Variants in ETV7 observed in about 807,000 individuals in gnomAD.
The protein encoded by ETV7 is ETS variant transcription factor 7, also known as transcription factor ETV7.
ETV7 carries 43 observed loss-of-function variants against 39.1 expected under a neutral mutation model. That is an observed-to-expected ratio of 1.10 (90% CI 0.86 to 1.42). The LOEUF is 1.42. Among genes scored for constraint, ETV7 ranks in the 40% most tolerant of loss-of-function variants. ETV7 has a pLI of 0.00. For missense variants in ETV7, 432 were observed against 442.3 expected, an observed-to-expected ratio of 0.98 and a Z score of 0.21; for synonymous variants, 196 against 176.6, an observed-to-expected ratio of 1.11 and a Z score of -0.87.
rs1217432832 is a variant in ETV7 at position 36,369,072 on chromosome 6, C to T, written c.665-1G>A. ...ACGTAATCCCACAGCAGGCGGCAGT[C>T]TGCAATTTAGCACAGGGAGTGCAGG... On this transcript the variant is annotated splice_acceptor_variant, in intron 5 of 7. Transcript: ENST00000340181. LOFTEE classifies it high-confidence loss of function. The T allele has an allele frequency of 2.5e-6, 4 of 1,614,116 alleles. No homozygotes were observed. Among genetic ancestry groups the T allele is most frequent in the Non-Finnish European group, 3.4e-6 (4 of 1,180,014 alleles).
intron 2 of ETV7, among the ~76,000 whole-genome samples, chr6:36,381,334 C>T (rs2127400830): frequency 6.6e-6 from 1 of 152,236 alleles, no homozygotes; most frequent in South Asian, 2.1e-4. Flanking sequence ...TGGCTTTGGA[C>T]AAGATAATTC....
chr6:36,385,351 A>G (rs563565951), intron 2 of ETV7, among the ~76,000 whole-genome samples, 183 bp downstream of exon 2: 10 of 152,280 alleles, frequency 6.6e-5, no homozygotes, highest in African/African-American at 2.4e-4. Flanking sequence ...CTGTAGTCCC[A>G]GCTATTGGAG....
downstream of ETV7, among the ~76,000 whole-genome samples, chr6:36,362,581 G>A (rs531458580): frequency 6.6e-6 from 1 of 152,226 alleles, no homozygotes; most frequent in Non-Finnish European, 1.5e-5. Context: ...GCCCGGTACA[G>A]AGCAGGTACT....
Position 36,360,187 on chromosome 6 carries a change from G to A in ETV7, c.909-5500C>T, listed in dbSNP as rs1342813841. Among the ~76,000 whole-genome samples the A allele has an allele frequency of 4.6e-5, 7 of 152,130 alleles. No homozygotes were observed. In the East Asian group the frequency reaches 5.8e-4, roughly 13 times the overall value. Reference sequence around the variant, plus strand: ...ATTACAGGCATGAGCCACTGCACCCGGCCAGTCTTTTTGATTCCTAATCAG... The same window carrying A: ...ATTACAGGCATGAGCCACTGCACCCAGCCAGTCTTTTTGATTCCTAATCAG... On this transcript the variant is annotated intron_variant, in intron 7 of 7. Coordinates refer to the ETV7 transcript ENST00000339796.
Position 36,366,603 on chromosome 6 carries a change from C to T in ETV7, c.*42G>A, listed in dbSNP as rs756276481. 3 of 1,613,546 alleles carry T rather than the reference C, an allele frequency of 1.9e-6. No individual in the cohort carries two copies. In the African/African-American group the frequency reaches 4.0e-5, roughly 22 times the overall value. ...AGTCTGCCTTCATGGGAGACTCGGT[C>T]CCTGCCCCATCGGTACCGGGTGCCT... On this transcript the variant is annotated 3_prime_UTR_variant, in exon 8 of 8. Coordinates refer to ENST00000340181, the MANE Select transcript of ETV7 (RefSeq NM_016135.4).
chr6:36,371,670 T>C (rs772416929), intron 4 of ETV7, 110 bp from the exon 5 acceptor site: 2 of 975,084 alleles, frequency 2.1e-6, no homozygotes, highest in African/African-American at 1.6e-5. Flanking sequence ...CCTGATGCTC[T>C]TTCTCCAACC....
chr6:36,376,236 C>T (rs150360270), intron 2 of ETV7, among the ~76,000 whole-genome samples: 175 of 148,472 alleles, frequency 1.2e-3, no homozygotes, highest in Non-Finnish European at 2.2e-3. Context: ...ATTATGTGTT[C>T]GTGTTTGTCA....
At chr6:36,376,609 C>G (rs1272683976) in intron 2 of ETV7, among the ~76,000 whole-genome samples, 1 of 152,034 alleles carries the variant, frequency 6.6e-6, no homozygotes, top group Non-Finnish European at 1.5e-5. Context: ...AACCCCATCT[C>G]TACTAAAAAT....
At chr6:36,370,785 T>C (rs558060883) in intron 5 of ETV7, among the ~76,000 whole-genome samples, 2 of 152,306 alleles carry the variant, frequency 1.3e-5, no homozygotes, top group East Asian at 3.9e-4. Context: ...CTGTTAATCC[T>C]TTAACAATGA....
In ETV7 at chr6:36,376,046, C is replaced by G. The variant is rs1773322242; in HGVS notation, c.143-11G>C. 1 of 1,593,950 alleles carries G rather than the reference C, an allele frequency of 6.3e-7. No homozygotes were observed. ...GTGCGGGCTGGATGCCTGCAACCAG[C>G]AAGGACCAGTCCCATCACTCCCCGT... On this transcript the variant is annotated splice_polypyrimidine_tract_variant and intron_variant, in intron 2 of 7. Transcript: ENST00000340181.
chr6:36,376,178 C>T, intron 2 of ETV7, 143 bp from the exon 3 acceptor site: 1 of 677,310 alleles, frequency 1.5e-6, no homozygotes, highest in South Asian at 2.0e-5. Context: ...TGTTTCTTTC[C>T]TTCCTAGCAT....
intron 5 of ETV7, among the ~76,000 whole-genome samples, chr6:36,371,087 G>A (rs865807767): frequency 1.3e-5 from 2 of 152,342 alleles, no homozygotes; most frequent in Middle Eastern, 3.4e-3. Context: ...TAATGTGAGT[G>A]TCAGAATATG....
chr6:36,383,615 C>G (rs1436879178), intron 2 of ETV7, among the ~76,000 whole-genome samples: 3 of 152,088 alleles, frequency 2.0e-5, no homozygotes, highest in Non-Finnish European at 4.4e-5. Flanking sequence ...ACCCAGCTTC[C>G]AGAAATTTAG....
Position 36,371,374 on chromosome 6 carries a change from G to A in ETV7, c.620C>T (p.Ser207Phe), listed in dbSNP as rs267601000. The change falls in exon 5 of 8, where the codon TCC becomes TTC. Residue 207 changes from serine (S) to phenylalanine (F), a missense_variant. Transcript: ENST00000340181. The stretch of plus-strand genomic sequence containing the variant: ...GGGGGCCTGCGGCATCGCGGGGAAG[G>A]AACAGACCCCCTGGGTCCTGCAGCC... ...ELGCRTQGVC[S>F]FPAMPQAPID... The A allele has an allele frequency of 1.2e-6, 2 of 1,601,432 alleles. No homozygotes were observed. The highest frequency in any genetic ancestry group is 1.7e-6 in the Non-Finnish European group (2 of 1,173,198).
At chr6:36,354,099 T>G (rs186757739) in exon 8 of ETV7, 1 of 152,300 alleles carries the variant, frequency 6.6e-6, no homozygotes, top group East Asian at 1.9e-4. Flanking sequence ...TTGGGGTTTT[T>G]TGTCTTTTTA....
chr6:36,371,880 C>T (rs1183747626), intron 4 of ETV7, among the ~76,000 whole-genome samples: 2 of 152,232 alleles, frequency 1.3e-5, no homozygotes, highest in East Asian at 1.9e-4. Context: ...CTCCATTTGC[C>T]CAACGAGTAT....
chr6:36,376,218 T>C (rs1235458155), intron 2 of ETV7, among the ~76,000 whole-genome samples, 183 bp from the exon 3 acceptor site: 1 of 152,020 alleles, frequency 6.6e-6, no homozygotes, highest in Non-Finnish European at 1.5e-5. Context: ...CATTTTACAT[T>C]GGATAGAATT....
At chr6:36,382,778 G>T (rs917784835) in intron 2 of ETV7, among the ~76,000 whole-genome samples, 8 of 152,188 alleles carry the variant, frequency 5.3e-5, no homozygotes, top group African/African-American at 1.7e-4. Flanking sequence ...CTTATTTACA[G>T]CTAGGAGCTT....
chr6:36,369,181 G>A, intron 5 of ETV7, 110 bp from the exon 6 acceptor site: 3 of 1,228,084 alleles, frequency 2.4e-6, no homozygotes, highest in East Asian at 2.4e-5. Context: ...AGGAGCACCA[G>A]CAGGAAGGTG....
Sources: allele counts gnomAD v4.1 joint callset (sites outside exome capture counted in the v4.1 genomes callset), GRCh38; gene constraint gnomAD v4.1.1; transcripts MANE v1.5; gene names NCBI Gene and HGNC (gene_info 2026-07-23, HGNC 2026-07-21).